ABR: variants seen among roughly 807,000 people sequenced by gnomAD.
ABR encodes active breakpoint cluster region-related protein.
A neutral mutation model predicts 107.2 loss-of-function variants in ABR; 35 were observed. The observed-to-expected ratio is 0.33, with a 90% CI of 0.25 to 0.43. ABR has a LOEUF of 0.43. ABR is among the 20% of genes least tolerant of loss of function. The pLI, the probability that ABR is intolerant of heterozygous loss-of-function variation, is 1.00. For missense variants in ABR, 815 were observed against 1,115.2 expected (o/e 0.73, Z 3.83); for synonymous variants, 498 against 462.0 (o/e 1.08, Z -1.00).
chr17:1,028,219 C>A (rs9895882), intron 16 of ABR, among the ~76,000 whole-genome samples: 209 of 151,508 alleles, frequency 1.4e-3, no homozygotes, highest in African/African-American at 4.7e-3. Context: ...GCCTCCCTAG[C>A]AGCTGGGATT....
chr17:1,038,855 G>A (rs529673764), intron 16 of ABR, among the ~76,000 whole-genome samples: 15 of 152,358 alleles, frequency 9.8e-5, no homozygotes, highest in East Asian at 3.9e-4. Flanking sequence ...CAGAAAACAC[G>A]GAAAGTGGGA....
At chr17:1,100,517 C>G (rs1039576214) in intron 3 of ABR, 120 bp downstream of exon 3, 53 of 920,646 alleles carry the variant, frequency 5.8e-5, no homozygotes, top group Non-Finnish European at 8.6e-5. Flanking sequence ...CAGACTCTGT[C>G]CACAGGGAGG....
chr17:1,180,465 C>T (rs756458347), upstream of ABR, among the ~76,000 whole-genome samples: 1 of 152,172 alleles, frequency 6.6e-6, no homozygotes, highest in African/African-American at 2.4e-5. Flanking sequence ...TTTCCACACC[C>T]CTGACCTCTG....
Position 1,094,409 on chromosome 17 carries a change from C to A in ABR, c.346-2559G>T, listed in dbSNP as rs543512486. 6.0e-5 allele frequency among the ~76,000 whole-genome samples: 9 copies of A among 149,522 alleles called. No individual in the cohort carries two copies. In the South Asian group the frequency reaches 1.9e-3, roughly 32 times the overall value. On this transcript the variant is annotated intron_variant, in intron 3 of 22. Coordinates refer to ENST00000302538, the MANE Select transcript of ABR (RefSeq NM_021962.5). The stretch of plus-strand genomic sequence containing the variant: ...TTTTTGAGACAGAGTCTCACTCTGT[C>A]ACCCAGGCTGGAGTGCAATAGTGCA...
At position 1,159,543 on chromosome 17, in the gene ABR, GGA is replaced by G. The variant is rs1567841387; in HGVS notation, c.61+20122_61+20123del. On this transcript the variant is annotated intron_variant, in intron 1 of 22. Transcript: ENST00000302538. Reference sequence around the variant, plus strand: ...AGTAGGAATGCGGTACTCACACACGGGAGAAGTAGGAATGCGGTACTCACACA... The same window carrying G: ...AGTAGGAATGCGGTACTCACACACGGGAAGTAGGAATGCGGTACTCACACA... Among the ~76,000 whole-genome samples the G allele has an allele frequency of 1.1e-3, 44 of 39,172 alleles. 2 individuals carry two copies. Among genetic ancestry groups the G allele is most frequent in the South Asian group, 2.7e-3 (3 of 1,102 alleles). 25.7% of individuals were successfully genotyped at this position (39,172 alleles called of 152,430 possible). A position where few individuals can be genotyped will look rare whatever the true frequency, so the allele number is the denominator to read the frequency against.
upstream of ABR, among the ~76,000 whole-genome samples, chr17:1,187,688 G>A (rs1348090715): frequency 2.0e-5 from 3 of 149,446 alleles, no homozygotes; most frequent in East Asian, 2.0e-4. Context: ...TCAGGAGTTC[G>A]AGACCAGCCT....
chr17:1,064,847 A>ATG (rs2034524426), intron 10 of ABR, among the ~76,000 whole-genome samples: 5 of 21,486 alleles, frequency 2.3e-4, no homozygotes, highest in Non-Finnish European at 2.0e-4. Context: ...CTGTTGTTAC[A>ATG]TGAACTGAGG....
chr17:1,184,656 G>C (rs2042236308), upstream of ABR, among the ~76,000 whole-genome samples: 1 of 113,242 alleles, frequency 8.8e-6, no homozygotes, highest in Non-Finnish European at 1.9e-5. Flanking sequence ...ACAGCTAACA[G>C]TTATTGAGTG....
intron 16 of ABR, among the ~76,000 whole-genome samples, chr17:1,049,370 G>C (rs908403168): frequency 7.9e-5 from 12 of 152,188 alleles, no homozygotes; most frequent in Admixed American, 7.9e-4. Context: ...GTTTCGCCAT[G>C]TTGGCCAGGC....
intron 14 of ABR, among the ~76,000 whole-genome samples, chr17:1,053,699 G>A (rs1004888495): frequency 6.6e-6 from 1 of 152,182 alleles, no homozygotes; most frequent in Non-Finnish European, 1.5e-5. Context: ...GATAATCTGG[G>A]GGTAAAGAGA....
chr17:1,056,713 C>T (rs1269871770), intron 13 of ABR, among the ~76,000 whole-genome samples: 9 of 152,252 alleles, frequency 5.9e-5, no homozygotes, highest in East Asian at 1.9e-4. Flanking sequence ...TTTTATCTAC[C>T]GGGTCTGCTC....
At chr17:1,109,316 G>T (rs2038501821) in intron 2 of ABR, among the ~76,000 whole-genome samples, 2 of 151,794 alleles carry the variant, frequency 1.3e-5, no homozygotes, top group South Asian at 4.1e-4. Context: ...GCCGTGCCCG[G>T]CCCGTGGCGG....
At chr17:1,067,278 G>T in intron 9 of ABR, 36 bp from the exon 10 acceptor site, 2 of 1,530,958 alleles carry the variant, frequency 1.3e-6, no homozygotes, top group South Asian at 1.3e-5. Flanking sequence ...GAGCCAGAGG[G>T]AGCCTGGCTC....
Position 1,005,868 on chromosome 17 carries a change from G to A in ABR, c.*212C>T. The A allele has an allele frequency of 1.7e-6, 1 of 604,230 alleles. No individual in the cohort carries two copies. The allele number at this position is 604,230 out of a possible 1,614,324, so 37.4% of individuals were successfully genotyped here. On this transcript the variant is annotated 3_prime_UTR_variant, in exon 23 of 23. Transcript: ENST00000302538. Reference sequence around the variant, plus strand: ...ACACAACTAGAGGTATGGAGGGCAGGAGGTGGGATGCGGTGGTGAGGCTGG... The same window carrying A: ...ACACAACTAGAGGTATGGAGGGCAGAAGGTGGGATGCGGTGGTGAGGCTGG...
At position 1,106,527 on chromosome 17, in the gene ABR, C is replaced by CTTTT. The variant is rs540643214; in HGVS notation, c.247-5796_247-5793dup. 6.5e-4 allele frequency among the ~76,000 whole-genome samples: 67 copies of CTTTT among 102,588 alleles called. 3 individuals carry two copies. The highest frequency in any genetic ancestry group is 9.1e-4 in the East Asian group (3 of 3,296). 67.3% of individuals were successfully genotyped at this position (102,588 alleles called of 152,430 possible). A position where few individuals can be genotyped will look rare whatever the true frequency, so the allele number is the denominator to read the frequency against. ...CTTTTATCAGTACTCTTCTCACAGT[C>CTTTT]TTTTTTTTTTTTTTTTTTTTGAGAC... On this transcript the variant is annotated intron_variant, in intron 2 of 22. Transcript: ENST00000302538.
Position 1,005,913 on chromosome 17 carries a change from T to C in ABR, c.*167A>G, listed in dbSNP as rs544558642. 1.5e-6 allele frequency: 1 copy of C among 682,936 alleles called. No homozygotes were observed. The highest frequency in any genetic ancestry group is 2.7e-5 in the East Asian group (1 of 36,864). 42.3% of individuals were successfully genotyped at this position (682,936 alleles called of 1,614,324 possible). On this transcript the variant is annotated 3_prime_UTR_variant, in exon 23 of 23. Coordinates refer to ENST00000302538, the MANE Select transcript of ABR (RefSeq NM_021962.5). ...GGCTGGGGCTGGGCAGCCGGCTTTGTACAAGGTGGCACAAAAGACGTACGC... is the reference window on the plus strand; with the variant it reads ...GGCTGGGGCTGGGCAGCCGGCTTTGCACAAGGTGGCACAAAAGACGTACGC...
At chr17:1,138,821 A>C (rs890127138) in intron 1 of ABR, among the ~76,000 whole-genome samples, 12 of 152,248 alleles carry the variant, frequency 7.9e-5, no homozygotes, top group African/African-American at 2.9e-4. Flanking sequence ...GTACTGTTGC[A>C]GGAAACTGAG....
intron 6 of ABR, among the ~76,000 whole-genome samples, chr17:1,077,143 G>A (rs577038520): frequency 2.6e-5 from 4 of 152,280 alleles, no homozygotes; most frequent in East Asian, 3.9e-4. Context: ...AGATCCACCC[G>A]CACTCCTTGC....
Position 1,078,712 on chromosome 17 carries a change from T to C in ABR, c.700+618A>G. 1 of 1,251,112 alleles carries C rather than the reference T, an allele frequency of 8.0e-7. No individual in the cohort carries two copies. The highest frequency in any genetic ancestry group is 1.1e-6 in the Non-Finnish European group (1 of 905,614). The allele number at this position is 1,251,112 out of a possible 1,614,324, so 77.5% of individuals were successfully genotyped here. On this transcript the variant is annotated intron_variant, in intron 6 of 22. Transcript: ENST00000302538. The surrounding 1 kb of genome is among the most constrained non-coding windows in gnomAD (Gnocchi z 7.5). ...GGTCCAGCCGCTCGCCCACCCTCCTTCCCTGCGGCCCTCTAACCTCCCCGG... is the reference window on the plus strand; with the variant it reads ...GGTCCAGCCGCTCGCCCACCCTCCTCCCCTGCGGCCCTCTAACCTCCCCGG...
Sources: gnomAD v4.1 joint callset for allele counts (sites outside exome capture counted in the v4.1 genomes callset) on GRCh38, gnomAD v4.1.1 for gene constraint, Gnocchi (gnomAD v3.1) non-coding constraint, MANE v1.5 for transcripts, NCBI Gene and HGNC (gene_info 2026-07-23, HGNC 2026-07-21) for gene names.